CTNNA3: variants seen among roughly 807,000 people sequenced by gnomAD.
CTNNA3 encodes catenin alpha 3, also known as catenin alpha-3.
Under a neutral mutation model 95.7 loss-of-function variants are expected in CTNNA3, and 76 were observed. The ratio of observed to expected loss-of-function variants is 0.79; its 90% CI spans 0.66 to 0.96. The LOEUF (loss-of-function observed/expected upper bound fraction) is 0.96. CTNNA3 is among the 40% of genes least tolerant of loss of function. The pLI is 0.00. For synonymous variants in CTNNA3, 431 were observed against 374.4 expected (o/e 1.15, Z -1.74); for missense variants, 1,191 against 1,089.8 (o/e 1.09, Z -1.31).
At chr10:66,523,431 A>G (rs955588354) in intron 10 of CTNNA3, among the ~76,000 whole-genome samples, 2 of 152,210 alleles carry the variant, frequency 1.3e-5, no homozygotes, top group African/African-American at 4.8e-5. Context: ...TTTAGCTTAA[A>G]TCTAAAAGAA....
At chr10:66,261,492 T>C (rs1389983541) in intron 13 of CTNNA3, among the ~76,000 whole-genome samples, 2 of 152,112 alleles carry the variant, frequency 1.3e-5, no homozygotes, top group Admixed American at 1.3e-4. Flanking sequence ...ATTACAATTG[T>C]ATTTAATTAA....
At chr10:67,220,354 T>C (rs1864595519) in intron 5 of CTNNA3, among the ~76,000 whole-genome samples, 1 of 152,184 alleles carries the variant, frequency 6.6e-6, no homozygotes, top group Non-Finnish European at 1.5e-5. Context: ...ACTAATAAAT[T>C]AATCCTATAT....
chr10:67,024,837 A>C (rs781355714), intron 7 of CTNNA3, among the ~76,000 whole-genome samples: 5 of 152,144 alleles, frequency 3.3e-5, no homozygotes, highest in African/African-American at 4.8e-5. Flanking sequence ...ATTTTAAAAG[A>C]AACCACAAGA....
intron 13 of CTNNA3, among the ~76,000 whole-genome samples, chr10:66,111,443 T>A (rs1055982041): frequency 6.6e-6 from 1 of 152,198 alleles, no homozygotes; most frequent in African/African-American, 2.4e-5. Flanking sequence ...TGATAGGAAT[T>A]TTTCAGTTCC....
intron 10 of CTNNA3, among the ~76,000 whole-genome samples, chr10:66,570,319 C>T (rs1026909582): frequency 5.4e-5 from 8 of 148,988 alleles, no homozygotes; most frequent in African/African-American, 1.5e-4. Flanking sequence ...GACAGAGTCT[C>T]GCTCTGTCGC....
At chr10:67,135,032 G>A (rs1001459908) in intron 7 of CTNNA3, among the ~76,000 whole-genome samples, 4 of 152,112 alleles carry the variant, frequency 2.6e-5, no homozygotes, top group Non-Finnish European at 4.4e-5. Flanking sequence ...AGATAGAGGG[G>A]TAATGTTCCT....
chr10:66,077,018 T>C (rs1358877956), intron 14 of CTNNA3, among the ~76,000 whole-genome samples: 4 of 151,762 alleles, frequency 2.6e-5, no homozygotes, highest in Admixed American at 6.6e-5. Flanking sequence ...ATTTGGGAGA[T>C]GGACGAAGGA....
At chr10:66,647,511 C>T (rs201608993) in intron 9 of CTNNA3, among the ~76,000 whole-genome samples, 37,589 of 146,408 alleles carry the variant, frequency 0.26, 6,955 homozygotes, top group African/African-American at 0.51. Flanking sequence ...AAAAATTACT[C>T]TTTTTTTTTT....
chr10:67,482,776 C>T (rs1848286033), intron 5 of CTNNA3, among the ~76,000 whole-genome samples: 1 of 152,046 alleles, frequency 6.6e-6, no homozygotes. Context: ...CCAGAATTTC[C>T]AACACTATAT....
intron 7 of CTNNA3, among the ~76,000 whole-genome samples, chr10:67,037,318 C>T (rs1032924748): frequency 2.7e-5 from 4 of 149,280 alleles, no homozygotes; most frequent in Non-Finnish European, 4.4e-5. Context: ...TCAGCAAAAT[C>T]ATATTCAGCA....
intron 7 of CTNNA3, among the ~76,000 whole-genome samples, chr10:67,121,566 T>C (rs1054886514): frequency 2.6e-5 from 4 of 152,022 alleles, no homozygotes; most frequent in African/African-American, 9.7e-5. Flanking sequence ...TAGTTGAAAG[T>C]ATCATGTTTG....
At chr10:66,660,841 T>G (rs750375186) in intron 9 of CTNNA3, among the ~76,000 whole-genome samples, 44 of 152,260 alleles carry the variant, frequency 2.9e-4, no homozygotes, top group Non-Finnish European at 5.4e-4. Flanking sequence ...TATCACCATC[T>G]AATATATTTA....
chr10:67,321,072 T>G (rs1293446041), intron 5 of CTNNA3, among the ~76,000 whole-genome samples: 1 of 152,200 alleles, frequency 6.6e-6, no homozygotes, highest in Non-Finnish European at 1.5e-5. Flanking sequence ...TTGATTTCTT[T>G]GCAGAAAAAG....
intron 5 of CTNNA3, among the ~76,000 whole-genome samples, chr10:67,425,644 G>A (rs919631145): frequency 2.6e-5 from 4 of 152,046 alleles, no homozygotes; most frequent in South Asian, 2.1e-4. Flanking sequence ...GCCTCAGCCC[G>A]CCATCTGAAG....
intron 10 of CTNNA3, among the ~76,000 whole-genome samples, chr10:66,614,900 A>G (rs1844455975): frequency 6.6e-6 from 1 of 151,942 alleles, no homozygotes; most frequent in Admixed American, 6.6e-5. Context: ...CAGGGAAAAT[A>G]CCCTAGGTTT....
At chr10:66,580,959 C>A (rs967439614) in intron 10 of CTNNA3, among the ~76,000 whole-genome samples, 2 of 151,598 alleles carry the variant, frequency 1.3e-5, no homozygotes, top group African/African-American at 4.8e-5. Flanking sequence ...CTTTGCATAC[C>A]CATAGCTTAG....
At chr10:66,721,714 T>C (rs775383093) in intron 9 of CTNNA3, among the ~76,000 whole-genome samples, 28 of 152,212 alleles carry the variant, frequency 1.8e-4, no homozygotes, top group Non-Finnish European at 3.7e-4. Context: ...AAACAGAAGG[T>C]GGGAGCAACG....
At chr10:66,318,276 A>ATATGTGTGTGTG (rs33943741) in intron 12 of CTNNA3, among the ~76,000 whole-genome samples, 3,332 of 136,568 alleles carry the variant, frequency 0.024, 65 homozygotes, top group Non-Finnish European at 0.034. Flanking sequence ...ATATATATAT[A>ATATGTGTGTGTG]TGTGTGTGTG....
At chr10:66,597,552 ATATT>A (rs1554822934) in intron 10 of CTNNA3, among the ~76,000 whole-genome samples, 46 of 130,512 alleles carry the variant, frequency 3.5e-4, no homozygotes, top group African/African-American at 5.4e-4. Flanking sequence ...ATATATATAT[ATATT>A]TATTAAAAAT....
Sources: allele counts gnomAD v4.1 joint callset (sites outside exome capture counted in the v4.1 genomes callset), GRCh38; gene constraint gnomAD v4.1.1; transcripts MANE v1.5; gene names NCBI Gene and HGNC (gene_info 2026-07-23, HGNC 2026-07-21).